Variants in TTC29 observed in about 807,000 individuals in gnomAD.
TTC29 encodes tetratricopeptide repeat protein 29.
A neutral mutation model predicts 58.1 loss-of-function variants in TTC29; 49 were observed. That is an observed-to-expected ratio of 0.84 (90% confidence interval 0.67 to 1.07). The LOEUF is 1.07. Among genes scored for constraint, TTC29 ranks in the 50% least tolerant of loss-of-function variants. The probability of loss-of-function intolerance (pLI) is 0.00; values close to 1 mark genes in which losing one functional copy is unlikely to be tolerated. For missense variants in TTC29, 582 were observed against 555.6 expected, an observed-to-expected ratio of 1.05 and a Z score of -0.48; for synonymous variants, 209 against 196.8, an observed-to-expected ratio of 1.06 and a Z score of -0.52.
intron 4 of TTC29, among the ~76,000 whole-genome samples, chr4:146,929,459 T>C (rs2150315732): frequency 6.6e-6 from 1 of 152,222 alleles, no homozygotes; most frequent in East Asian, 1.9e-4. Context: ...AAATTTAATT[T>C]ACCTAAAGTA....
chr4:146,748,119 A>G (rs1745686228), intron 11 of TTC29, among the ~76,000 whole-genome samples: 1 of 152,196 alleles, frequency 6.6e-6, no homozygotes, highest in Non-Finnish European at 1.5e-5. Flanking sequence ...GAGCTGCCAG[A>G]GTGCCCTGTT....
intron 4 of TTC29, 28 bp from the exon 5 acceptor site, chr4:146,909,277 G>A (rs1407769256): frequency 1.3e-6 from 2 of 1,521,022 alleles, no homozygotes; most frequent in African/African-American, 2.7e-5. Context: ...AACACTCTCA[G>A]GTTTATGTTA....
At chr4:146,781,365 A>G (rs1748587338) in intron 11 of TTC29, among the ~76,000 whole-genome samples, 1 of 152,098 alleles carries the variant, frequency 6.6e-6, no homozygotes, top group East Asian at 1.9e-4. Context: ...GAAGGGATTA[A>G]GAGACTCGAG....
At chr4:146,781,477 G>A (rs1245083990) in intron 11 of TTC29, among the ~76,000 whole-genome samples, 1 of 151,708 alleles carries the variant, frequency 6.6e-6, no homozygotes, top group Admixed American at 6.6e-5. Flanking sequence ...CAAATAATGG[G>A]CAAAATCACA....
At chr4:146,837,627 C>T (rs1355648633) in intron 8 of TTC29, among the ~76,000 whole-genome samples, 1 of 151,884 alleles carries the variant, frequency 6.6e-6, no homozygotes, top group Non-Finnish European at 1.5e-5. Flanking sequence ...AGAGTGGAAC[C>T]ACTTTTACAA....
At chr4:146,793,741 A>T (rs1749638205) in intron 11 of TTC29, among the ~76,000 whole-genome samples, 1 of 152,156 alleles carries the variant, frequency 6.6e-6, no homozygotes, top group African/African-American at 2.4e-5. Flanking sequence ...TATCTTTTAT[A>T]AATCATATTT....
intron 7 of TTC29, among the ~76,000 whole-genome samples, chr4:146,872,284 T>C (rs905876850): frequency 9.2e-5 from 14 of 151,944 alleles, no homozygotes; most frequent in African/African-American, 3.1e-4. Context: ...TAGTTAAAAC[T>C]AAAAACTCTT....
intron 11 of TTC29, among the ~76,000 whole-genome samples, chr4:146,801,978 CAAA>C (rs57486017): frequency 1.3e-3 from 51 of 38,784 alleles, no homozygotes; most frequent in East Asian, 4.4e-3. Flanking sequence ...GACTCTGTCT[CAAA>C]AAAAAAAAAA....
At chr4:146,855,294 A>G (rs974535945) in intron 8 of TTC29, among the ~76,000 whole-genome samples, 3 of 152,120 alleles carry the variant, frequency 2.0e-5, no homozygotes, top group African/African-American at 7.2e-5. Flanking sequence ...TCAGCTGGGC[A>G]TGGTGGTGCA....
At chr4:146,797,356 T>C (rs1749898528) in intron 11 of TTC29, among the ~76,000 whole-genome samples, 1 of 152,254 alleles carries the variant, frequency 6.6e-6, no homozygotes, top group Non-Finnish European at 1.5e-5. Flanking sequence ...TCTTCATTTC[T>C]TTGCACAGAT....
intron 11 of TTC29, among the ~76,000 whole-genome samples, chr4:146,783,153 T>A (rs1031665783): frequency 1.3e-5 from 2 of 152,078 alleles, no homozygotes; most frequent in Non-Finnish European, 2.9e-5. Context: ...CATGATGTTT[T>A]GATATACGCA....
intron 11 of TTC29, among the ~76,000 whole-genome samples, chr4:146,748,769 T>C (rs1745741025): frequency 6.6e-6 from 1 of 152,202 alleles, no homozygotes; most frequent in Admixed American, 6.5e-5. Context: ...AAAGCTATTC[T>C]GTGAAATTTA....
intron 4 of TTC29, among the ~76,000 whole-genome samples, chr4:146,916,821 T>C (rs1397464172): frequency 6.6e-6 from 1 of 151,474 alleles, no homozygotes; most frequent in Non-Finnish European, 1.5e-5. Context: ...CTCATCCATC[T>C]GGTAACAGCA....
chr4:146,814,391 G>A (rs947483545), intron 10 of TTC29, among the ~76,000 whole-genome samples: 1 of 137,868 alleles, frequency 7.3e-6, no homozygotes, highest in Non-Finnish European at 1.5e-5. Flanking sequence ...AGACCAGCCT[G>A]AGCAACACGA....
In TTC29 at chr4:146,707,481, A is replaced by G; in HGVS notation, c.1397+4T>C. On this transcript the variant is annotated splice_donor_region_variant and intron_variant, in intron 12 of 12. Coordinates refer to ENST00000325106, the MANE Select transcript of TTC29 (RefSeq NM_031956.4). ...ATAGAAACTTTTTACTTGATTTATC[A>G]TACCTACTGAGTTCTTCCAAACGTT... is the stretch of plus-strand genomic sequence containing the variant. The G allele has an allele frequency of 1.2e-6, 2 of 1,605,464 alleles. No individual in the cohort carries two copies. The highest frequency in any genetic ancestry group is 1.7e-6 in the Non-Finnish European group (2 of 1,174,136).
chr4:146,848,751 C>T (rs1014997492), intron 8 of TTC29, among the ~76,000 whole-genome samples: 12 of 152,186 alleles, frequency 7.9e-5, no homozygotes, highest in Admixed American at 5.9e-4. Flanking sequence ...GCTTCCTTAG[C>T]CCTGCCATTC....
chr4:146,732,729 A>G (rs1744432518), intron 11 of TTC29, among the ~76,000 whole-genome samples: 1 of 152,150 alleles, frequency 6.6e-6, no homozygotes, highest in Non-Finnish European at 1.5e-5. Flanking sequence ...GTGGAGATGG[A>G]GTGACAAAGA....
chr4:146,882,420 T>C (rs895287999), intron 6 of TTC29, among the ~76,000 whole-genome samples: 1 of 152,132 alleles, frequency 6.6e-6, no homozygotes, highest in African/African-American at 2.4e-5. Context: ...TATTAGCCAT[T>C]TTGAAACTTG....
chr4:146,842,465 G>A (rs1728909290), intron 8 of TTC29, among the ~76,000 whole-genome samples: 2 of 152,050 alleles, frequency 1.3e-5, no homozygotes, highest in South Asian at 4.2e-4. Flanking sequence ...AGGACACTCT[G>A]AAATAAATGA....
Sources: allele counts gnomAD v4.1 joint callset (sites outside exome capture counted in the v4.1 genomes callset), GRCh38; gene constraint gnomAD v4.1.1; transcripts MANE v1.5; gene names NCBI Gene and HGNC (gene_info 2026-07-23, HGNC 2026-07-21).